Variants in MPP7 observed in about 807,000 individuals in gnomAD.
The protein encoded by MPP7 is MAGUK p55 scaffold protein 7.
A neutral mutation model predicts 76.5 loss-of-function variants in MPP7; 60 were observed. The observed-to-expected ratio is 0.78, with a 90% confidence interval of 0.64 to 0.97. The LOEUF (loss-of-function observed/expected upper bound fraction) is 0.97. Among genes scored for constraint, MPP7 ranks in the 50% least tolerant of loss-of-function variants. The pLI, the probability that MPP7 is intolerant of heterozygous loss-of-function variation, is 0.00. For missense variants in MPP7, 641 were observed against 694.0 expected (o/e 0.92, Z 0.86); for synonymous variants, 237 against 244.5 (o/e 0.97, Z 0.29).
intron 3 of MPP7, among the ~76,000 whole-genome samples, chr10:28,179,424 C>A (rs1028439304): frequency 6.6e-6 from 1 of 152,086 alleles, no homozygotes; most frequent in Non-Finnish European, 1.5e-5. Flanking sequence ...CATTGCATCC[C>A]CATCATCTAA....
At chr10:28,190,211 T>A (rs1040378813) in intron 3 of MPP7, among the ~76,000 whole-genome samples, 9 of 151,850 alleles carry the variant, frequency 5.9e-5, no homozygotes, top group Non-Finnish European at 1.2e-4. Context: ...ATGCATGAAG[T>A]CACTATTATA....
chr10:28,056,437 G>A (rs1388629006), intron 16 of MPP7, 43 bp downstream of exon 16: 3 of 1,587,538 alleles, frequency 1.9e-6, no homozygotes, highest in Non-Finnish European at 2.6e-6. Flanking sequence ...GGGATTACAG[G>A]TGTGGGCCAC....
intron 1 of MPP7, among the ~76,000 whole-genome samples, chr10:28,269,375 A>T (rs896504373): frequency 2.0e-5 from 3 of 152,230 alleles, no homozygotes; most frequent in Non-Finnish European, 2.9e-5. Flanking sequence ...TTGCATAAGC[A>T]TAAATTGGGT....
At chr10:28,233,433 C>A (rs529912972) in intron 2 of MPP7, among the ~76,000 whole-genome samples, 1 of 152,116 alleles carries the variant, frequency 6.6e-6, no homozygotes, top group South Asian at 2.1e-4. Flanking sequence ...TCCGGCCGGG[C>A]GCGGTGGCTC....
At chr10:28,207,572 A>G (rs959648042) in intron 2 of MPP7, among the ~76,000 whole-genome samples, 3 of 151,936 alleles carry the variant, frequency 2.0e-5, no homozygotes, top group Admixed American at 1.3e-4. Context: ...GTAGTCCCAG[A>G]TACTCAGGAG....
chr10:28,206,507 T>C (rs149631906), intron 2 of MPP7, among the ~76,000 whole-genome samples: 1 of 152,292 alleles, frequency 6.6e-6, no homozygotes, highest in Non-Finnish European at 1.5e-5. Context: ...AAAATTTACA[T>C]TGCAGTTTAG....
intron 11 of MPP7, among the ~76,000 whole-genome samples, chr10:28,095,222 T>TATATATATATATATATACAC (rs775763967): frequency 1.5e-5 from 2 of 136,714 alleles, no homozygotes; most frequent in East Asian, 4.5e-4. Context: ...TATATATATA[T>TATATATATATATATATACAC]ACAGAAACAT....
chr10:28,145,933 T>C (rs181883205), intron 5 of MPP7, among the ~76,000 whole-genome samples: 164 of 152,338 alleles, frequency 1.1e-3, no homozygotes, highest in African/African-American at 3.6e-3. Context: ...CAGTATAATA[T>C]TGCATAATTA....
intron 12 of MPP7, among the ~76,000 whole-genome samples, chr10:28,078,865 T>C (rs1852622923): frequency 6.6e-6 from 1 of 152,250 alleles, no homozygotes; most frequent in Non-Finnish European, 1.5e-5. Context: ...CAAAGTTACG[T>C]AGCCCATTTA....
chr10:28,074,639 T>C (rs941398876), intron 12 of MPP7, among the ~76,000 whole-genome samples: 1 of 152,178 alleles, frequency 6.6e-6, no homozygotes, highest in African/African-American at 2.4e-5. Flanking sequence ...TACTCTCACA[T>C]CTTCTCTTAG....
intron 4 of MPP7, among the ~76,000 whole-genome samples, chr10:28,149,455 A>C (rs1835809036): frequency 6.6e-6 from 1 of 152,226 alleles, no homozygotes; most frequent in Admixed American, 6.5e-5. Context: ...ACTGCTTCTA[A>C]AATTTATTTT....
At chr10:28,157,871 G>A (rs1198577231) in intron 3 of MPP7, among the ~76,000 whole-genome samples, 2 of 152,066 alleles carry the variant, frequency 1.3e-5, no homozygotes, top group Non-Finnish European at 2.9e-5. Context: ...TAGGTCTGAT[G>A]GCTTCCTATT....
intron 3 of MPP7, among the ~76,000 whole-genome samples, chr10:28,198,377 C>A (rs1325310925): frequency 6.6e-6 from 1 of 152,096 alleles, no homozygotes; most frequent in Non-Finnish European, 1.5e-5. Flanking sequence ...GGATTCAAGA[C>A]CAGCCTGGCC....
At chr10:28,317,171 G>T (rs1235075144) in intron 2 of MPP7, among the ~76,000 whole-genome samples, 3 of 152,096 alleles carry the variant, frequency 2.0e-5, no homozygotes, top group Non-Finnish European at 4.4e-5. Context: ...ATTTATACAC[G>T]CTAGAAAAGC....
At chr10:28,160,289 C>T (rs10740782) in intron 3 of MPP7, among the ~76,000 whole-genome samples, 138,332 of 152,188 alleles carry the variant, frequency 0.91, 62,925 homozygotes, top group South Asian at 0.95. Flanking sequence ...TTCCCCTCTT[C>T]CTTCTAGATT....
chr10:28,270,630 G>A (rs992822183), intron 1 of MPP7, among the ~76,000 whole-genome samples: 6 of 151,634 alleles, frequency 4.0e-5, no homozygotes, highest in Non-Finnish European at 5.9e-5. Context: ...TATCTGCAGC[G>A]CCTGTTCAAC....
intron 2 of MPP7, among the ~76,000 whole-genome samples, chr10:28,232,792 G>C (rs1449069337): frequency 6.6e-6 from 1 of 152,166 alleles, no homozygotes; most frequent in African/African-American, 2.4e-5. Flanking sequence ...TGACTGAGAA[G>C]AGATACACAG....
At chr10:28,244,387 T>C (rs749787156) in intron 1 of MPP7, among the ~76,000 whole-genome samples, 1 of 152,158 alleles carries the variant, frequency 6.6e-6, no homozygotes, top group Non-Finnish European at 1.5e-5. Context: ...ATCTCAAGTA[T>C]CTCAGACTCG....
At chr10:28,192,204 T>G (rs1280924280) in intron 3 of MPP7, among the ~76,000 whole-genome samples, 6 of 152,136 alleles carry the variant, frequency 3.9e-5, no homozygotes, top group Admixed American at 3.9e-4. Flanking sequence ...AAATCATACT[T>G]AATTTTCCCT....
Sources: gnomAD v4.1 joint callset for allele counts (sites outside exome capture counted in the v4.1 genomes callset) on GRCh38, gnomAD v4.1.1 for gene constraint, MANE v1.5 for transcripts, NCBI Gene and HGNC (gene_info 2026-07-23, HGNC 2026-07-21) for gene names.